CRYBG1: variants seen among roughly 807,000 people sequenced by gnomAD.
CRYBG1 encodes beta/gamma crystallin domain-containing protein 1.
Under a neutral mutation model 189.2 loss-of-function variants are expected in CRYBG1, and 139 were observed. That is an observed-to-expected ratio of 0.73 (90% CI 0.64 to 0.85). CRYBG1 has a LOEUF of 0.85. Among genes scored for constraint, CRYBG1 ranks in the 40% least tolerant of loss-of-function variants. The pLI is 0.00. For synonymous variants in CRYBG1, 1,023 were observed against 1,017.1 expected, an observed-to-expected ratio of 1.01 and a Z score of -0.11; for missense variants, 2,611 against 2,675.8, an observed-to-expected ratio of 0.98 and a Z score of 0.53.
chr6:106,474,667 G>A (rs1362551690), intron 2 of CRYBG1, among the ~76,000 whole-genome samples: 1 of 152,114 alleles, frequency 6.6e-6, no homozygotes, highest in Non-Finnish European at 1.5e-5. Flanking sequence ...GGCAAGAGAG[G>A]TGACCAAGGG....
At chr6:106,457,342 T>C (rs1260617746) in intron 2 of CRYBG1, 1 of 152,142 alleles carries the variant, frequency 6.6e-6, no homozygotes, top group Non-Finnish European at 1.5e-5. Context: ...CCATGATAAT[T>C]TATTAACCCA....
intron 2 of CRYBG1, among the ~76,000 whole-genome samples, chr6:106,504,708 C>T (rs765671831): frequency 5.9e-5 from 9 of 151,838 alleles, no homozygotes; most frequent in Non-Finnish European, 1.3e-4. Context: ...TTATCCCAAT[C>T]AATATCAGAA....
intron 1 of CRYBG1, among the ~76,000 whole-genome samples, chr6:106,434,176 GAC>G (rs1771409054): frequency 6.6e-6 from 1 of 151,774 alleles, no homozygotes; most frequent in Non-Finnish European, 1.5e-5. Flanking sequence ...GAGAGATTGA[GAC>G]AGAAAGAGAG....
intron 6 of CRYBG1, among the ~76,000 whole-genome samples, chr6:106,526,469 C>G (rs2114549561): frequency 6.6e-6 from 1 of 152,204 alleles, no homozygotes; most frequent in South Asian, 2.1e-4. Context: ...AAAGCATAAG[C>G]ATTTACACTG....
intron 2 of CRYBG1, among the ~76,000 whole-genome samples, chr6:106,502,891 A>G (rs1773038663): frequency 1.3e-5 from 2 of 152,348 alleles, no homozygotes; most frequent in East Asian, 3.9e-4. Context: ...TAAAATCTAT[A>G]AGCCAGAATT....
At chr6:106,375,035 T>C (rs901465542) in intron 1 of CRYBG1, among the ~76,000 whole-genome samples, 1 of 152,094 alleles carries the variant, frequency 6.6e-6, no homozygotes, top group African/African-American at 2.4e-5. Flanking sequence ...ATAACCTTTT[T>C]GATGGTTAAA....
intron 1 of CRYBG1, among the ~76,000 whole-genome samples, chr6:106,428,851 G>T (rs62420814): frequency 0.087 from 13,172 of 152,256 alleles, 636 homozygotes; most frequent in South Asian, 0.13. Context: ...CTAAGAGGCT[G>T]TGAAGGAGCT....
intron 2 of CRYBG1, among the ~76,000 whole-genome samples, chr6:106,496,365 T>G (rs1433892088): frequency 6.6e-6 from 1 of 152,238 alleles, no homozygotes; most frequent in Non-Finnish European, 1.5e-5. Flanking sequence ...ACACTTTCCT[T>G]ATCATTTGAT....
At chr6:106,554,916 C>G (rs991013238) in intron 16 of CRYBG1, among the ~76,000 whole-genome samples, 1 of 152,108 alleles carries the variant, frequency 6.6e-6, no homozygotes, top group Non-Finnish European at 1.5e-5. Flanking sequence ...CCTGTAATCC[C>G]AGCACTTTGG....
At chr6:106,405,345 C>T (rs1299769617) in intron 1 of CRYBG1, among the ~76,000 whole-genome samples, 1 of 152,214 alleles carries the variant, frequency 6.6e-6, no homozygotes, top group Non-Finnish European at 1.5e-5. Context: ...TTCCTCCTCT[C>T]TGGGCAGGGC....
chr6:106,525,720 A>T lies in CRYBG1; in HGVS notation c.4412+334A>T, dbSNP rs867858437. 3.3e-5 allele frequency among the ~76,000 whole-genome samples: 5 copies of T among 152,312 alleles called. No homozygotes were observed. In the Middle Eastern group the frequency reaches 0.01, roughly 311 times the overall value. On this transcript the variant is annotated intron_variant, in intron 6 of 21. Coordinates refer to ENST00000633556, the MANE Select transcript of CRYBG1 (RefSeq NM_001371242.2). ...GGTTGATGACCTTTAAATGAGGTTG[A>T]TAAGAATTGCACTAGTTATGTTGAT...
chr6:106,437,096 A>T (rs1771475079), intron 1 of CRYBG1, among the ~76,000 whole-genome samples: 1 of 152,222 alleles, frequency 6.6e-6, no homozygotes. Context: ...CAGCCTAGGC[A>T]ACAGAGAGAC....
chr6:106,390,502 T>C (rs76874290), intron 1 of CRYBG1, among the ~76,000 whole-genome samples: 13,652 of 152,092 alleles, frequency 0.09, 825 homozygotes, highest in East Asian at 0.12. Context: ...ATCAATTAAT[T>C]TTTACATTTG....
Position 106,551,971 on chromosome 6 carries a change from T to C in CRYBG1, c.5432T>C (p.Ile1811Thr). The C allele has an allele frequency of 6.2e-7, 1 of 1,600,098 alleles. No individual in the cohort carries two copies. Among genetic ancestry groups the C allele is most frequent in the Non-Finnish European group, 8.5e-7 (1 of 1,174,320 alleles). ...KNCKISSVQP[I>T]CLDSFTGPRR... The stretch of plus-strand genomic sequence containing the variant: ...TGTAAGATCTCTTCTGTTCAACCTA[T>C]ATGTTTGGTAAGGAGTTATATTTTT... The change falls in exon 14 of 22, where the codon ATA becomes ACA. Residue 1811 changes from isoleucine (I) to threonine (T), a missense_variant. Ile to Thr is a moderately conservative substitution (Grantham distance 89). Transcript: ENST00000633556.
intron 1 of CRYBG1, among the ~76,000 whole-genome samples, chr6:106,422,927 A>C (rs541058234): frequency 6.6e-6 from 1 of 152,290 alleles, no homozygotes; most frequent in South Asian, 2.1e-4. Context: ...TTAGAAGTGA[A>C]GTAGATTAAA....
At chr6:106,366,821 A>T (rs953663520) in intron 1 of CRYBG1, among the ~76,000 whole-genome samples, 4 of 152,228 alleles carry the variant, frequency 2.6e-5, no homozygotes, top group South Asian at 2.1e-4. Context: ...ACTGGCAGTG[A>T]TAGTTGTAAT....
intron 1 of CRYBG1, among the ~76,000 whole-genome samples, chr6:106,407,533 G>C (rs1225680419): frequency 3.3e-5 from 5 of 152,092 alleles, no homozygotes; most frequent in Non-Finnish European, 7.4e-5. Flanking sequence ...GGACCTAATA[G>C]ACATCTACAG....
In CRYBG1 at chr6:106,541,713, C is replaced by T. The variant is rs1427554295; in HGVS notation, c.4881+92C>T. 3.3e-6 allele frequency: 3 copies of T among 907,040 alleles called. No individual in the cohort carries two copies. In the Admixed American group the frequency reaches 6.9e-5, roughly 21 times the overall value. 56.2% of individuals were successfully genotyped at this position (907,040 alleles called of 1,614,324 possible). On this transcript the variant is annotated intron_variant, in intron 10 of 21. Transcript: ENST00000633556. Reference sequence around the variant, plus strand: ...GTACTTAATGTTATTCCCACTCCATCTCTATGAAGATATTGCTTATGTGAC... The same window carrying T: ...GTACTTAATGTTATTCCCACTCCATTTCTATGAAGATATTGCTTATGTGAC...
At chr6:106,394,119 T>C (rs57731575) in intron 1 of CRYBG1, among the ~76,000 whole-genome samples, 448 of 152,334 alleles carry the variant, frequency 2.9e-3, no homozygotes, top group African/African-American at 0.01. Context: ...ACTTAAAGTT[T>C]ATCTAGGCTG....
Sources: allele counts gnomAD v4.1 joint callset (sites outside exome capture counted in the v4.1 genomes callset), GRCh38; gene constraint gnomAD v4.1.1; transcripts MANE v1.5; gene names NCBI Gene and HGNC (gene_info 2026-07-23, HGNC 2026-07-21).